TMEM117: variants seen among roughly 807,000 people sequenced by gnomAD.
TMEM117 encodes transmembrane protein 117.
In TMEM117, 27 loss-of-function variants were observed where a neutral mutation model predicts 52.4. That is an observed-to-expected ratio of 0.51 (90% CI 0.38 to 0.71). TMEM117 has a LOEUF of 0.71. Among genes scored for constraint, TMEM117 ranks in the 30% least tolerant of loss-of-function variants. The probability of loss-of-function intolerance (pLI) is 0.00; values close to 1 mark genes in which losing one functional copy is unlikely to be tolerated. For synonymous variants in TMEM117, 215 were observed against 206.3 expected (o/e 1.04, Z -0.36); for missense variants, 556 against 630.5 (o/e 0.88, Z 1.26).
intron 3 of TMEM117, among the ~76,000 whole-genome samples, chr12:44,038,080 C>A (rs114890225): frequency 0.036 from 5,465 of 152,224 alleles, 207 homozygotes; most frequent in African/African-American, 0.093. Context: ...TTCCACTTGT[C>A]TGCATACCTC....
At chr12:43,922,244 G>T (rs1465354139) in intron 2 of TMEM117, among the ~76,000 whole-genome samples, 1 of 152,056 alleles carries the variant, frequency 6.6e-6, no homozygotes. Flanking sequence ...CGTGCAGTGG[G>T]TTCTCTAAAT....
chr12:43,930,624 A>G (rs1944856291), intron 2 of TMEM117, among the ~76,000 whole-genome samples: 1 of 152,204 alleles, frequency 6.6e-6, no homozygotes, highest in Non-Finnish European at 1.5e-5. Context: ...AGTGGCCTTC[A>G]TTATGATAAA....
At chr12:44,301,813 G>C (rs1014805197) in intron 6 of TMEM117, among the ~76,000 whole-genome samples, 1 of 152,096 alleles carries the variant, frequency 6.6e-6, no homozygotes, top group Non-Finnish European at 1.5e-5. Flanking sequence ...TCACCCTCTA[G>C]CTGTCAGGCC....
At chr12:43,924,422 TA>T (rs1279517608) in intron 2 of TMEM117, among the ~76,000 whole-genome samples, 8 of 152,136 alleles carry the variant, frequency 5.3e-5, no homozygotes, top group African/African-American at 1.9e-4. Flanking sequence ...GGTAAGAAAA[TA>T]TGATACATTA....
At chr12:43,885,598 T>G (rs2137462564) in intron 2 of TMEM117, among the ~76,000 whole-genome samples, 1 of 152,138 alleles carries the variant, frequency 6.6e-6, no homozygotes, top group Middle Eastern at 3.4e-3. Flanking sequence ...AGTTTTCTTT[T>G]TAGGCATAAA....
intron 2 of TMEM117, among the ~76,000 whole-genome samples, chr12:43,933,807 G>A (rs528791658): frequency 6.5e-4 from 98 of 151,336 alleles, no homozygotes; most frequent in African/African-American, 9.7e-4. Context: ...GTGATCCGCC[G>A]GCTTCAGCCT....
intron 4 of TMEM117, among the ~76,000 whole-genome samples, chr12:44,147,961 G>C (rs973987194): frequency 2.7e-5 from 4 of 150,014 alleles, no homozygotes; most frequent in Admixed American, 6.7e-5. Flanking sequence ...AAAAGAAAAA[G>C]ACAATTCTGT....
Position 44,228,865 on chromosome 12 carries a change from C to T in TMEM117, c.608+17478C>T, listed in dbSNP as rs577821241. 6.6e-5 allele frequency among the ~76,000 whole-genome samples: 10 copies of T among 152,220 alleles called. No individual in the cohort carries two copies. The East Asian group carries it at 1.9e-3, about 29-fold the overall frequency. ...TGTGGTGTGGAGCCTGTGGGCCACACACAGGGTGTAGCAGAAACCCATTGT... is the reference window on the plus strand; with the variant it reads ...TGTGGTGTGGAGCCTGTGGGCCACATACAGGGTGTAGCAGAAACCCATTGT... On this transcript the variant is annotated intron_variant, in intron 5 of 7. Coordinates refer to ENST00000266534, the MANE Select transcript of TMEM117 (RefSeq NM_032256.3).
At chr12:44,071,687 C>G (rs1031780674) in intron 3 of TMEM117, among the ~76,000 whole-genome samples, 9 of 151,924 alleles carry the variant, frequency 5.9e-5, no homozygotes, top group Non-Finnish European at 2.9e-5. Context: ...TAGCAAAACT[C>G]GAGGGAAAAA....
At chr12:44,099,867 G>T (rs1947832946) in intron 3 of TMEM117, among the ~76,000 whole-genome samples, 1 of 151,976 alleles carries the variant, frequency 6.6e-6, no homozygotes, top group Admixed American at 6.6e-5. Context: ...GAGCCTAGAA[G>T]CTATAGCAGA....
intron 4 of TMEM117, among the ~76,000 whole-genome samples, chr12:44,195,932 A>C (rs149241486): frequency 2.7e-4 from 39 of 143,950 alleles, no homozygotes; most frequent in South Asian, 4.6e-4. Context: ...AAATAAATAA[A>C]TAAATAACTG....
intron 3 of TMEM117, among the ~76,000 whole-genome samples, chr12:44,035,086 G>T (rs1281934139): frequency 2.6e-5 from 4 of 152,192 alleles, no homozygotes; most frequent in Non-Finnish European, 4.4e-5. Flanking sequence ...TACAGTGCTG[G>T]CTTTCTGAGT....
At chr12:44,348,130 G>A (rs902736816) in intron 6 of TMEM117, among the ~76,000 whole-genome samples, 4 of 151,960 alleles carry the variant, frequency 2.6e-5, no homozygotes, top group African/African-American at 9.7e-5. Context: ...TTATCACAGA[G>A]CTCAACATAA....
At chr12:43,889,515 C>G (rs1179573164) in intron 2 of TMEM117, among the ~76,000 whole-genome samples, 2 of 152,238 alleles carry the variant, frequency 1.3e-5, no homozygotes, top group Non-Finnish European at 2.9e-5. Flanking sequence ...TGCTTGCTCT[C>G]CAGCCACTCA....
chr12:44,395,097 C>T, the TMEM117 span, among the ~76,000 whole-genome samples: 6 of 152,124 alleles, frequency 3.9e-5, no homozygotes, highest in South Asian at 2.1e-4. Flanking sequence ...TAAGATGAGA[C>T]GAAGAGCAAT....
chr12:43,987,073 A>G (rs1945860349), intron 3 of TMEM117, among the ~76,000 whole-genome samples: 1 of 152,192 alleles, frequency 6.6e-6, no homozygotes, highest in Non-Finnish European at 1.5e-5. Flanking sequence ...GGGTCTTTAA[A>G]GAGATGATTA....
At chr12:43,951,468 C>A (rs1187201107) in intron 3 of TMEM117, among the ~76,000 whole-genome samples, 1 of 152,132 alleles carries the variant, frequency 6.6e-6, no homozygotes, top group Non-Finnish European at 1.5e-5. Context: ...AGGGGAAGCG[C>A]CATTACTGTG....
chr12:44,381,077 A>C (rs1392822683), intron 7 of TMEM117, among the ~76,000 whole-genome samples: 1 of 152,132 alleles, frequency 6.6e-6, no homozygotes, highest in Non-Finnish European at 1.5e-5. Context: ...TGTTTAGCTC[A>C]TCTGGATCCC....
At chr12:43,882,022 A>G (rs1943905808) in intron 2 of TMEM117, among the ~76,000 whole-genome samples, 1 of 151,966 alleles carries the variant, frequency 6.6e-6, no homozygotes, top group African/African-American at 2.4e-5. Flanking sequence ...CAGTGAGCCC[A>G]GATCGAGCCA....
Sources: allele counts gnomAD v4.1 joint callset (sites outside exome capture counted in the v4.1 genomes callset), GRCh38; gene constraint gnomAD v4.1.1; transcripts MANE v1.5; gene names NCBI Gene and HGNC (gene_info 2026-07-23, HGNC 2026-07-21).